The following RORB variants were observed in gnomAD, a reference collection of about 807,000 sequenced individuals.
The protein encoded by RORB is RAR related orphan receptor B, also known as nuclear receptor ROR-beta.
Under a neutral mutation model 59.1 loss-of-function variants are expected in RORB, and 6 were observed. The observed-to-expected ratio is 0.10, with a 90% CI of 0.06 to 0.20. The LOEUF is 0.20. RORB is among the 10% of genes least tolerant of loss of function. The pLI is 1.00. For missense variants in RORB, 320 were observed against 560.5 expected (o/e 0.57, Z 4.33); for synonymous variants, 215 against 204.5 (o/e 1.05, Z -0.44).
intron 1 of RORB, among the ~76,000 whole-genome samples, chr9:74,610,046 T>C (rs909461535): frequency 1.3e-5 from 2 of 152,196 alleles, no homozygotes; most frequent in African/African-American, 4.8e-5. Flanking sequence ...ACTACTGAAT[T>C]TGGGCAAAAT....
intron 1 of RORB, among the ~76,000 whole-genome samples, chr9:74,544,846 C>T (rs1318498426): frequency 6.6e-6 from 1 of 152,174 alleles, no homozygotes; most frequent in East Asian, 1.9e-4. Context: ...GTTCCCATCA[C>T]ATCTAGAGGA....
At chr9:74,630,406 C>T (rs772790225) in intron 2 of RORB, 39 bp downstream of exon 2, 3 of 1,526,474 alleles carry the variant, frequency 2.0e-6, no homozygotes, top group Non-Finnish European at 1.8e-6. Flanking sequence ...GTATTTGCCT[C>T]AGGCATCTGT....
intron 1 of RORB, among the ~76,000 whole-genome samples, chr9:74,503,952 G>A (rs1391616598): frequency 1.3e-5 from 2 of 152,040 alleles, no homozygotes; most frequent in East Asian, 1.9e-4. Context: ...AGTGAATCAA[G>A]CTACATATAA....
chr9:74,616,150 T>A (rs1448881590), intron 1 of RORB, among the ~76,000 whole-genome samples: 1 of 152,192 alleles, frequency 6.6e-6, no homozygotes, highest in African/African-American at 2.4e-5. Context: ...TTTGAGTTTT[T>A]CTCCTAAATT....
At chr9:74,523,461 C>A (rs1473378616) in intron 1 of RORB, among the ~76,000 whole-genome samples, 1 of 151,872 alleles carries the variant, frequency 6.6e-6, no homozygotes, top group Non-Finnish European at 1.5e-5. Flanking sequence ...ATTGCAAAAT[C>A]TTATTCTTGT....
intron 4 of RORB, among the ~76,000 whole-genome samples, chr9:74,643,395 T>C (rs1187241814): frequency 6.6e-6 from 1 of 152,158 alleles, no homozygotes; most frequent in Non-Finnish European, 1.5e-5. Flanking sequence ...TGGAATCTTA[T>C]AGAACATGAG....
chr9:74,598,615 A>G (rs191036887), intron 1 of RORB, among the ~76,000 whole-genome samples: 1 of 152,342 alleles, frequency 6.6e-6, no homozygotes, highest in Admixed American at 6.5e-5. Context: ...TGTTGAAAAC[A>G]TTAGAAATTT....
intron 4 of RORB, among the ~76,000 whole-genome samples, chr9:74,645,069 C>G (rs189844918): frequency 6.6e-6 from 1 of 152,134 alleles, no homozygotes; most frequent in African/African-American, 2.4e-5. Context: ...CTTTAGATAT[C>G]TTTAAATATG....
chr9:74,543,325 T>C (rs1436076204), intron 1 of RORB, among the ~76,000 whole-genome samples: 1 of 152,226 alleles, frequency 6.6e-6, no homozygotes, highest in East Asian at 1.9e-4. Flanking sequence ...CAGGACGGTG[T>C]GGAACACCCC....
chr9:74,522,354 A>G (rs556599014), intron 1 of RORB, among the ~76,000 whole-genome samples: 1 of 151,934 alleles, frequency 6.6e-6, no homozygotes, highest in South Asian at 2.1e-4. Context: ...GATTCAAAAT[A>G]ACTGACATCA....
intron 1 of RORB, among the ~76,000 whole-genome samples, chr9:74,571,929 T>A (rs1323876348): frequency 1.3e-5 from 2 of 152,150 alleles, no homozygotes; most frequent in African/African-American, 4.8e-5. Flanking sequence ...TGCACATCTC[T>A]GCACCTCCCC....
intron 1 of RORB, among the ~76,000 whole-genome samples, chr9:74,499,549 C>T (rs1176641338): frequency 1.3e-5 from 2 of 152,124 alleles, no homozygotes; most frequent in Non-Finnish European, 1.5e-5. Context: ...TTGGCCGGCT[C>T]GCTGGGAGTG....
intron 1 of RORB, among the ~76,000 whole-genome samples, chr9:74,534,565 T>C (rs1826292677): frequency 6.6e-6 from 1 of 152,040 alleles, no homozygotes. Flanking sequence ...TCATTTTTAA[T>C]GACAGATGCT....
chr9:74,567,406 C>T (rs1032094857), intron 1 of RORB, among the ~76,000 whole-genome samples: 3 of 152,130 alleles, frequency 2.0e-5, no homozygotes, highest in African/African-American at 7.2e-5. Context: ...CAGAGATTGA[C>T]ACAAGACAAC....
intron 9 of RORB, among the ~76,000 whole-genome samples, chr9:74,683,477 A>T (rs1453455799): frequency 6.6e-6 from 1 of 152,200 alleles, no homozygotes; most frequent in Non-Finnish European, 1.5e-5. Flanking sequence ...CAGAGAACAT[A>T]ACGTGAACTA....
intron 4 of RORB, among the ~76,000 whole-genome samples, chr9:74,647,480 T>C (rs1309798220): frequency 1.3e-5 from 2 of 152,216 alleles, no homozygotes; most frequent in African/African-American, 2.4e-5. Context: ...GGGTGTACAT[T>C]GCCTTTTACA....
chr9:74,512,190 T>A (rs1201515442), intron 1 of RORB, among the ~76,000 whole-genome samples: 2 of 152,162 alleles, frequency 1.3e-5, no homozygotes, highest in Non-Finnish European at 2.9e-5. Context: ...TAGTCTTCAA[T>A]TTGTCTCCAT....
At chr9:74,502,758 A>G (rs952406992) in intron 1 of RORB, among the ~76,000 whole-genome samples, 15 of 152,226 alleles carry the variant, frequency 9.9e-5, no homozygotes, top group African/African-American at 3.4e-4. Context: ...CCTTACGACT[A>G]AACATATTAG....
intron 1 of RORB, among the ~76,000 whole-genome samples, chr9:74,610,342 G>C (rs1823216090): frequency 6.6e-6 from 1 of 152,134 alleles, no homozygotes; most frequent in Non-Finnish European, 1.5e-5. Context: ...GAAACATGTA[G>C]AGAAAAATAA....
Sources: gnomAD v4.1 joint callset for allele counts (sites outside exome capture counted in the v4.1 genomes callset) on GRCh38, gnomAD v4.1.1 for gene constraint, MANE v1.5 for transcripts, NCBI Gene and HGNC (gene_info 2026-07-23, HGNC 2026-07-21) for gene names.